The following NPAS3 variants were observed in gnomAD, a reference collection of about 807,000 sequenced individuals.
The protein encoded by NPAS3 is neuronal PAS domain-containing protein 3.
NPAS3 carries 14 observed loss-of-function variants against 73.1 expected under a neutral mutation model. The ratio of observed to expected loss-of-function variants is 0.19; its 90% CI spans 0.13 to 0.30. NPAS3 has a LOEUF of 0.30. Ranked by LOEUF, NPAS3 falls within the 10% of genes least tolerant of loss-of-function variation. NPAS3 has a pLI of 1.00. For missense variants in NPAS3, 1,096 were observed against 1,250.0 expected, an observed-to-expected ratio of 0.88 and a Z score of 1.86; for synonymous variants, 620 against 541.5, an observed-to-expected ratio of 1.14 and a Z score of -2.01.
intron 2 of NPAS3, among the ~76,000 whole-genome samples, chr14:33,193,388 AC>A (rs1247315973): frequency 6.6e-6 from 1 of 152,162 alleles, no homozygotes; most frequent in East Asian, 1.9e-4. Context: ...AGAAAGAAGT[AC>A]TTTTTTGCCA....
chr14:33,006,165 A>G (rs1325459999), intron 1 of NPAS3, among the ~76,000 whole-genome samples: 1 of 152,150 alleles, frequency 6.6e-6, no homozygotes, highest in East Asian at 1.9e-4. Context: ...CCTTCAGAAC[A>G]TTCCTAATCA....
intron 4 of NPAS3, among the ~76,000 whole-genome samples, chr14:33,491,342 C>T (rs1337354885): frequency 6.6e-6 from 1 of 151,958 alleles, no homozygotes; most frequent in African/African-American, 2.4e-5. Flanking sequence ...GATTCAGACA[C>T]AGTCTTCTAG....
chr14:33,682,545 G>A (rs1234551048), intron 6 of NPAS3, among the ~76,000 whole-genome samples: 4 of 152,272 alleles, frequency 2.6e-5, no homozygotes, highest in Non-Finnish European at 4.4e-5. Flanking sequence ...GCCAAACCTA[G>A]AATGATTCTT....
chr14:33,243,544 GA>G (rs1334162913), intron 3 of NPAS3, among the ~76,000 whole-genome samples: 5 of 151,920 alleles, frequency 3.3e-5, no homozygotes, highest in Admixed American at 2.6e-4. Context: ...CTGCTGGGGG[GA>G]AACACTCTGA....
At chr14:33,751,134 A>G (rs1377687747) in intron 7 of NPAS3, among the ~76,000 whole-genome samples, 1 of 152,224 alleles carries the variant, frequency 6.6e-6, no homozygotes, top group Non-Finnish European at 1.5e-5. Context: ...TGCTAGCCCC[A>G]TGGGCTAATC....
In NPAS3 at chr14:33,180,731, G is replaced by A. The variant is rs575459318; in HGVS notation, c.141-34451G>A. On this transcript the variant is annotated intron_variant, in intron 2 of 11. Coordinates refer to ENST00000356141, the Ensembl canonical transcript of NPAS3. ...GGAGAATGGCATGAACCCTGGAGGC[G>A]GAGCTTGCAGTGAGCAGAGATCGTG... 1.3e-4 allele frequency among the ~76,000 whole-genome samples: 19 copies of A among 150,276 alleles called. No homozygotes were observed. The South Asian group carries it at 3.0e-3, about 23-fold the overall frequency.
At chr14:33,473,810 G>A (rs931733206) in intron 4 of NPAS3, among the ~76,000 whole-genome samples, 11 of 152,238 alleles carry the variant, frequency 7.2e-5, no homozygotes, top group African/African-American at 2.6e-4. Context: ...AAGTTTTATG[G>A]GAACCACAGC....
At chr14:33,639,077 G>A (rs577751428) in intron 5 of NPAS3, among the ~76,000 whole-genome samples, 11 of 152,288 alleles carry the variant, frequency 7.2e-5, no homozygotes, top group East Asian at 1.9e-4. Context: ...AAGCCTTGGC[G>A]TAGCATGATT....
chr14:33,040,714 G>A (rs1411648822), intron 1 of NPAS3, among the ~76,000 whole-genome samples: 1 of 152,128 alleles, frequency 6.6e-6, no homozygotes, highest in Non-Finnish European at 1.5e-5. Flanking sequence ...CCTCTAACAG[G>A]TATGTGGCTT....
intron 5 of NPAS3, among the ~76,000 whole-genome samples, chr14:33,665,569 C>T (rs2059429158): frequency 1.3e-5 from 2 of 152,160 alleles, no homozygotes; most frequent in African/African-American, 4.8e-5. Flanking sequence ...AAACCCCATT[C>T]TCTGTGATAT....
At chr14:33,063,387 G>A (rs1251378526) in intron 2 of NPAS3, among the ~76,000 whole-genome samples, 8 of 152,124 alleles carry the variant, frequency 5.3e-5, no homozygotes. Flanking sequence ...AAGAAGGCAG[G>A]ATGTGGTGGA....
chr14:33,799,536 A>G (rs1313293861), intron 11 of NPAS3, among the ~76,000 whole-genome samples, 198 bp from the exon 12 acceptor site: 1 of 152,132 alleles, frequency 6.6e-6, no homozygotes, highest in Non-Finnish European at 1.5e-5. Flanking sequence ...CCATCCAGCT[A>G]ACCCAGGCCC....
intron 2 of NPAS3, among the ~76,000 whole-genome samples, chr14:33,063,873 C>T (rs1383602065): frequency 6.6e-6 from 1 of 152,162 alleles, no homozygotes; most frequent in Non-Finnish European, 1.5e-5. Context: ...AACTGTTAAC[C>T]TCGCAGAATT....
intron 4 of NPAS3, among the ~76,000 whole-genome samples, chr14:33,392,071 A>G (rs2047032404): frequency 6.6e-6 from 1 of 152,178 alleles, no homozygotes; most frequent in Admixed American, 6.5e-5. Context: ...TAAAATTTCT[A>G]TGAAGTCATA....
intron 2 of NPAS3, among the ~76,000 whole-genome samples, chr14:33,128,846 A>G (rs564929390): frequency 6.6e-6 from 1 of 152,274 alleles, no homozygotes; most frequent in African/African-American, 2.4e-5. Context: ...AGTAGGTGAT[A>G]CTTACATCTT....
chr14:33,079,283 A>G (rs116887042), intron 2 of NPAS3, among the ~76,000 whole-genome samples: 1,949 of 150,842 alleles, frequency 0.013, 23 homozygotes, highest in Non-Finnish European at 0.022. Flanking sequence ...TCATGTATAC[A>G]TATATTTTCA....
At chr14:33,253,478 A>G (rs2139907396) in intron 3 of NPAS3, among the ~76,000 whole-genome samples, 1 of 152,190 alleles carries the variant, frequency 6.6e-6, no homozygotes, top group African/African-American at 2.4e-5. Context: ...GCAGCTCCTC[A>G]CAACTGATTT....
intron 5 of NPAS3, among the ~76,000 whole-genome samples, chr14:33,664,935 G>T (rs547436398): frequency 4.5e-4 from 69 of 152,286 alleles, no homozygotes; most frequent in African/African-American, 1.6e-3. Context: ...CAACCATTGT[G>T]GAAGACAGTG....
At chr14:33,170,810 G>C (rs2045360654) in intron 2 of NPAS3, among the ~76,000 whole-genome samples, 1 of 152,126 alleles carries the variant, frequency 6.6e-6, no homozygotes. Flanking sequence ...CCATACATCT[G>C]CAATGACTAC....
Sources: allele counts gnomAD v4.1 joint callset (sites outside exome capture counted in the v4.1 genomes callset), GRCh38; gene constraint gnomAD v4.1.1; transcripts MANE v1.5; gene names NCBI Gene and HGNC (gene_info 2026-07-23, HGNC 2026-07-21).